The following RUNX2 variants were observed in gnomAD, a reference collection of about 807,000 sequenced individuals.
RUNX2 encodes the protein RUNX family transcription factor 2, also known as runt-related transcription factor 2.
RUNX2 carries 10 observed loss-of-function variants against 51.7 expected under a neutral mutation model. That is an observed-to-expected ratio of 0.19 (90% CI 0.12 to 0.33). The LOEUF is 0.33. Among genes scored for constraint, RUNX2 ranks in the 10% least tolerant of loss-of-function variants. The pLI is 1.00. For missense variants in RUNX2, 562 were observed against 691.3 expected, an observed-to-expected ratio of 0.81 and a Z score of 2.10; for synonymous variants, 276 against 273.6, an observed-to-expected ratio of 1.01 and a Z score of -0.09.
chr6:45,468,738 T>C (rs559872604), intron 5 of RUNX2, among the ~76,000 whole-genome samples: 4 of 152,326 alleles, frequency 2.6e-5, no homozygotes, highest in Admixed American at 2.6e-4. Flanking sequence ...CCAAAAGTCA[T>C]GAGGAATGTG....
At chr6:45,346,230 T>C (rs1336438693) in intron 2 of RUNX2, among the ~76,000 whole-genome samples, 1 of 152,166 alleles carries the variant, frequency 6.6e-6, no homozygotes, top group East Asian at 1.9e-4. Flanking sequence ...TATGTAAATA[T>C]ATATAATTCT....
chr6:45,518,343 T>C (rs1167299085), intron 7 of RUNX2, among the ~76,000 whole-genome samples: 1 of 152,212 alleles, frequency 6.6e-6, no homozygotes, highest in Non-Finnish European at 1.5e-5. Flanking sequence ...ACTGATTGGA[T>C]GGATTACTTT....
intron 2 of RUNX2, among the ~76,000 whole-genome samples, chr6:45,399,446 A>G (rs907875050): frequency 5.8e-5 from 7 of 120,406 alleles, no homozygotes; most frequent in Admixed American, 1.2e-4. Flanking sequence ...TGCAACCTCC[A>G]CCTCCTGAGT....
In RUNX2 at chr6:45,512,325, G is replaced by A. The variant is rs768076425; in HGVS notation, c.939G>A (p.Pro313=). 7 of 1,613,886 alleles carry A rather than the reference G, an allele frequency of 4.3e-6. No individual in the cohort carries two copies. The highest frequency in any genetic ancestry group is 2.7e-5 in the African/African-American group (2 of 74,876). ...CCTACCTGAGCCAGATGACGTCCCC[G>A]TCCATCCACTCTACCACCCCGCTGT... ...YPSYLSQMTS[P]SIHSTTPLSS... is the part of the protein sequence containing the mutation. Residue 313 remains proline, a synonymous_variant, in exon 7 of 9, where the codon CCG becomes CCA. Transcript: ENST00000647337.
intron 2 of RUNX2, among the ~76,000 whole-genome samples, chr6:45,361,858 C>G (rs1020112182): frequency 6.6e-6 from 1 of 152,154 alleles, no homozygotes; most frequent in Non-Finnish European, 1.5e-5. Context: ...TGAGACCAGC[C>G]TGGCCAACAT....
intron 7 of RUNX2, among the ~76,000 whole-genome samples, chr6:45,542,358 A>T (rs757340518): frequency 6.6e-6 from 1 of 152,162 alleles, no homozygotes; most frequent in Non-Finnish European, 1.5e-5. Flanking sequence ...GGTTGTGAAA[A>T]ATTGCTGCTG....
intron 2 of RUNX2, among the ~76,000 whole-genome samples, chr6:45,357,076 G>A (rs1364611706): frequency 6.6e-6 from 1 of 151,926 alleles, no homozygotes; most frequent in African/African-American, 2.4e-5. Flanking sequence ...GCACGATCTC[G>A]GCTCACTGCA....
intron 2 of RUNX2, among the ~76,000 whole-genome samples, chr6:45,404,531 T>G (rs1379202561): frequency 6.6e-6 from 1 of 152,172 alleles, no homozygotes; most frequent in East Asian, 1.9e-4. Context: ...AACCCATCCA[T>G]TCTTTTTGAT....
chr6:45,421,764 T>A (rs796903448), intron 2 of RUNX2: 2 of 151,342 alleles, frequency 1.3e-5, no homozygotes, highest in Admixed American at 1.3e-4. Flanking sequence ...GGGCTCCTTC[T>A]CGCGGCCGGC....
intron 7 of RUNX2, among the ~76,000 whole-genome samples, chr6:45,515,362 G>T (rs759140282): frequency 6.6e-6 from 1 of 152,138 alleles, no homozygotes; most frequent in Non-Finnish European, 1.5e-5. Context: ...CATCTTCAGG[G>T]TTGGTGTGAG....
At chr6:45,412,856 T>C (rs1169168162) in intron 2 of RUNX2, among the ~76,000 whole-genome samples, 2 of 152,204 alleles carry the variant, frequency 1.3e-5, no homozygotes, top group Non-Finnish European at 2.9e-5. Flanking sequence ...GTGATTCTCC[T>C]GCCTCAGCCT....
At chr6:45,477,118 A>T (rs1389082482) in intron 5 of RUNX2, among the ~76,000 whole-genome samples, 1 of 152,142 alleles carries the variant, frequency 6.6e-6, no homozygotes, top group African/African-American at 2.4e-5. Context: ...AGAAGAGCAG[A>T]TTCAGAACCG....
In RUNX2 at chr6:45,546,919, T is replaced by G. The variant is rs1461715414; in HGVS notation, c.1180T>G (p.Tyr394Asp). 6.2e-7 allele frequency: 1 copy of G among 1,613,868 alleles called. No individual in the cohort carries two copies. The highest frequency in any genetic ancestry group is 1.3e-5 in the African/African-American group (1 of 74,860). ...ESRFSNPRMH[Y>D]PATFTYTPPV... Reference sequence around the variant, plus strand: ...CCGCTTCTCCAACCCACGAATGCACTATCCAGCCACCTTTACTTACACCCC... The same window carrying G: ...CCGCTTCTCCAACCCACGAATGCACGATCCAGCCACCTTTACTTACACCCC... The change falls in exon 9 of 9, where the codon TAT becomes GAT. Residue 394 changes from tyrosine to aspartate, a missense_variant. This residue lies in a region of RUNX2 where 304 missense variants were observed against 353.2 expected (regional missense o/e 0.86). Coordinates refer to ENST00000647337, the MANE Select transcript of RUNX2 (RefSeq NM_001024630.4).
intron 7 of RUNX2, among the ~76,000 whole-genome samples, chr6:45,544,746 A>C (rs1802341847): frequency 6.6e-6 from 1 of 152,226 alleles, no homozygotes; most frequent in Non-Finnish European, 1.5e-5. Context: ...CCTGCAATGC[A>C]GAGGCTGCCT....
At chr6:45,354,253 G>A (rs1792665285) in intron 2 of RUNX2, among the ~76,000 whole-genome samples, 2 of 151,824 alleles carry the variant, frequency 1.3e-5, no homozygotes, top group African/African-American at 2.4e-5. Context: ...CTTAACAGCA[G>A]GGATTAAAAA....
At chr6:45,426,031 T>C (rs1440756374) in intron 3 of RUNX2, among the ~76,000 whole-genome samples, 1 of 152,190 alleles carries the variant, frequency 6.6e-6, no homozygotes, top group Non-Finnish European at 1.5e-5. Flanking sequence ...TAGACTGTTT[T>C]GAAATGTCAG....
At chr6:45,526,101 G>T (rs1801669149) in intron 7 of RUNX2, among the ~76,000 whole-genome samples, 1 of 152,168 alleles carries the variant, frequency 6.6e-6, no homozygotes, top group South Asian at 2.1e-4. Context: ...GTCAGGAAAG[G>T]TTTTGTTTTG....
At chr6:45,506,331 G>A (rs1035092584) in intron 6 of RUNX2, among the ~76,000 whole-genome samples, 2 of 152,144 alleles carry the variant, frequency 1.3e-5, no homozygotes, top group South Asian at 2.1e-4. Context: ...TCAAGTTTAT[G>A]TTACAGGTCA....
chr6:45,388,235 C>G (rs1424742273), intron 2 of RUNX2, among the ~76,000 whole-genome samples: 1 of 152,168 alleles, frequency 6.6e-6, no homozygotes, highest in East Asian at 1.9e-4. Flanking sequence ...TTGAAGCAGA[C>G]CATACCTAAT....
Sources: allele counts gnomAD v4.1 joint callset (sites outside exome capture counted in the v4.1 genomes callset), GRCh38; gene constraint gnomAD v4.1.1; regional missense constraint gnomAD v4.1.1; transcripts MANE v1.5; gene names NCBI Gene and HGNC (gene_info 2026-07-23, HGNC 2026-07-21).